The following COL5A1 variants were observed in gnomAD, a reference collection of about 807,000 sequenced individuals.
COL5A1 encodes the protein collagen type V alpha 1 chain, also known as collagen alpha-1(V) chain.
In COL5A1, 16 loss-of-function variants were observed where a neutral mutation model predicts 263.7. The ratio of observed to expected loss-of-function variants is 0.06; its 90% CI spans 0.04 to 0.09. The LOEUF (loss-of-function observed/expected upper bound fraction) is 0.09. Among genes scored for constraint, COL5A1 ranks in the 10% least tolerant of loss-of-function variants. The pLI is 1.00. For synonymous variants in COL5A1, 1,012 were observed against 1,004.5 expected (o/e 1.01, Z -0.14); for missense variants, 2,036 against 2,540.5 (o/e 0.80, Z 4.27).
intron 11 of COL5A1, among the ~76,000 whole-genome samples, chr9:134,748,293 GCA>G (rs567396208): frequency 1.0e-3 from 150 of 148,898 alleles, no homozygotes; most frequent in Non-Finnish European, 1.3e-3. Context: ...ATATGCACAT[GCA>G]CACACACATG....
chr9:134,738,942 C>T, intron 11 of COL5A1, 134 bp downstream of exon 11: 1 of 745,190 alleles, frequency 1.3e-6, no homozygotes, highest in Non-Finnish European at 2.4e-6. Flanking sequence ...CCCCCCTCAC[C>T]CAGGCACTCC....
rs1489772558 is a variant in COL5A1, at chr9:134,642,321, C to T, written c.109+25C>T. On this transcript the variant is annotated intron_variant, in intron 1 of 65. Transcript: ENST00000371817. The surrounding 1 kb of genome is among the most constrained non-coding windows in gnomAD (Gnocchi z 4.5). ...GGTAAGGGCGCCCCGGGGCGCGGGG[C>T]TGCGGGATGGGGCGCGCGCAGCCCG... is the stretch of plus-strand genomic sequence containing the variant. 4.1e-5 allele frequency: 30 copies of T among 735,266 alleles called. No individual in the cohort carries two copies. Among genetic ancestry groups the T allele is most frequent in the Non-Finnish European group, 5.2e-5 (29 of 560,038 alleles). The allele number at this position is 735,266 out of a possible 1,614,324, so 45.5% of individuals were successfully genotyped here. A position where few individuals can be genotyped will look rare whatever the true frequency, so the allele number is the denominator to read the frequency against.
chr9:134,824,031 TG>T (rs1054922884), intron 61 of COL5A1, among the ~76,000 whole-genome samples: 2 of 147,974 alleles, frequency 1.4e-5, no homozygotes, highest in African/African-American at 5.3e-5. Flanking sequence ...GTGTGTGTGT[TG>T]GGATGGGGGA....
At chr9:134,822,349 A>G (rs1234751415) in intron 59 of COL5A1, among the ~76,000 whole-genome samples, 199 bp downstream of exon 59, 1 of 152,142 alleles carries the variant, frequency 6.6e-6, no homozygotes, top group Non-Finnish European at 1.5e-5. Flanking sequence ...TTGCCCGGCC[A>G]TGGTTTTTGG....
Position 134,821,710 on chromosome 9 carries a change from T to C in COL5A1, c.4555-387T>C, listed in dbSNP as rs7357805. On this transcript the variant is annotated intron_variant, in intron 58 of 65. Transcript: ENST00000371817. This position sits in a 1 kb window ranked among gnomAD's most constrained non-coding sequence, Gnocchi z 4.2. ...CCGGGCTTAGTTCTAGAGGGGAGAC[T>C]AACACCATGAGCAGGAAACAGCAAG... Among the ~76,000 whole-genome samples, 87,422 of 152,090 alleles carry C rather than the reference T, an allele frequency of 0.57. 26,567 individuals are homozygous for C. Among genetic ancestry groups the C allele is most frequent in the African/African-American group, 0.79 (32,908 of 41,534 alleles).
chr9:134,715,171 G>T (rs932501435), intron 4 of COL5A1, among the ~76,000 whole-genome samples: 1 of 152,022 alleles, frequency 6.6e-6, no homozygotes, highest in Non-Finnish European at 1.5e-5. Context: ...GGTAATAGTG[G>T]GGAGAGGGTC....
In COL5A1 at chr9:134,701,151, C is replaced by T. The variant is rs374782884; in HGVS notation, c.492-20C>T. Reference sequence around the variant, plus strand: ...GCATCTGTGATCCAAGCCCTGTCTTCACCATCTGTTTCTTTGCAGGTGGCA... The same window carrying T: ...GCATCTGTGATCCAAGCCCTGTCTTTACCATCTGTTTCTTTGCAGGTGGCA... On this transcript the variant is annotated intron_variant, in intron 3 of 65. Coordinates refer to ENST00000371817, the MANE Select transcript of COL5A1 (RefSeq NM_000093.5). 1.9e-6 allele frequency: 3 copies of T among 1,613,424 alleles called. No individual in the cohort carries two copies. The highest frequency in any genetic ancestry group is 2.7e-5 in the African/African-American group (2 of 74,946).
At position 134,815,605 on chromosome 9, in the gene COL5A1, C is replaced by G. The variant is rs369945188; in HGVS notation, c.4044C>G (p.Gly1348=). 1 of 1,613,074 alleles carries G rather than the reference C, an allele frequency of 6.2e-7. No homozygotes were observed. The highest frequency in any genetic ancestry group is 1.7e-5 in the Admixed American group (1 of 59,928). The change falls in exon 51 of 66, where the codon GGC becomes GGG. Residue 1348 remains glycine (G), a synonymous_variant. Transcript: ENST00000371817. ...CAGTGGGTTTTCCTGGAGATCCTGG[C>G]CCCCCCGGAGAGCCTGGCCCCGCGG... ...PGPVGFPGDP[G]PPGEPGPAGQ...
At chr9:134,812,255 C>T (rs1347165805) in intron 46 of COL5A1, among the ~76,000 whole-genome samples, 194 bp from the exon 47 acceptor site, 1 of 152,152 alleles carries the variant, frequency 6.6e-6, no homozygotes, top group Non-Finnish European at 1.5e-5. Flanking sequence ...GCAATCTTCT[C>T]TGCTTATTTC....
At chr9:134,775,157 G>A (rs1276181506) in intron 27 of COL5A1, among the ~76,000 whole-genome samples, 1 of 152,246 alleles carries the variant, frequency 6.6e-6, no homozygotes, top group East Asian at 1.9e-4. Context: ...CTGCAGTCTG[G>A]TGACGACGCC....
chr9:134,716,839 C>G lies in COL5A1; in HGVS notation c.655-10427C>G, dbSNP rs1014125879. 6.6e-6 allele frequency among the ~76,000 whole-genome samples: 1 copy of G among 152,150 alleles called. No individual in the cohort carries two copies. The highest frequency in any genetic ancestry group is 2.4e-5 in the African/African-American group (1 of 41,432). On this transcript the variant is annotated intron_variant, in intron 4 of 65. Coordinates refer to ENST00000371817, the MANE Select transcript of COL5A1 (RefSeq NM_000093.5). This position sits in a 1 kb window ranked among gnomAD's most constrained non-coding sequence, Gnocchi z 4.5. ...CAGAGCTGTTGTGAGTAGACTTGAC[C>G]CTACACGTCTTGGGCTGGTGGCTGC... is the stretch of plus-strand genomic sequence containing the variant.
intron 11 of COL5A1, among the ~76,000 whole-genome samples, chr9:134,739,480 G>A (rs759493404): frequency 2.2e-4 from 34 of 152,232 alleles, no homozygotes; most frequent in Non-Finnish European, 4.7e-4. Context: ...GGGTGTTCGC[G>A]GGTGTTCACG....
intron 63 of COL5A1, among the ~76,000 whole-genome samples, chr9:134,828,772 TCA>T (rs752065150): frequency 4.9e-5 from 6 of 122,596 alleles, no homozygotes; most frequent in East Asian, 2.6e-4. Flanking sequence ...ATACCACACA[TCA>T]CAGATACACA....
rs115985248 is a variant in COL5A1 at position 134,826,909 on chromosome 9, C to T, written c.5067+1005C>T. 2.1e-3 allele frequency among the ~76,000 whole-genome samples: 327 copies of T among 152,112 alleles called. 2 individuals are homozygous for T. Among genetic ancestry groups the T allele is most frequent in the African/African-American group, 7.3e-3 (304 of 41,484 alleles). ...TGGCTGGCATGTGCATGCATGTAGA[C>T]GGGCGTGTGTTGCTATCCCTCAAGC... is the stretch of plus-strand genomic sequence containing the variant. On this transcript the variant is annotated intron_variant, in intron 63 of 65. Transcript: ENST00000371817.
chr9:134,762,445 C>T (rs532618132), intron 19 of COL5A1, among the ~76,000 whole-genome samples: 17 of 152,282 alleles, frequency 1.1e-4, no homozygotes, highest in Non-Finnish European at 2.1e-4. Flanking sequence ...GGTAGGGGAG[C>T]GAGTGGCTGT....
At chr9:134,654,427 G>C (rs1340153554) in intron 1 of COL5A1, among the ~76,000 whole-genome samples, 3 of 123,844 alleles carry the variant, frequency 2.4e-5, no homozygotes, top group East Asian at 2.8e-4. Flanking sequence ...CTGGAGGTGT[G>C]TAGGGCTGGA....
At chr9:134,690,593 G>A (rs1051454144) in intron 1 of COL5A1, among the ~76,000 whole-genome samples, 22 of 152,200 alleles carry the variant, frequency 1.4e-4, no homozygotes, top group African/African-American at 5.1e-4. Flanking sequence ...TGAGGAAGGA[G>A]GGCGTCGTCA....
At chr9:134,671,019 G>A (rs371721036) in intron 1 of COL5A1, among the ~76,000 whole-genome samples, 17 of 152,372 alleles carry the variant, frequency 1.1e-4, no homozygotes, top group African/African-American at 3.6e-4. Flanking sequence ...GTGAGGAGAC[G>A]TGAAGTCGGG....
intron 62 of COL5A1, among the ~76,000 whole-genome samples, chr9:134,825,509 C>T (rs1008609201): frequency 7.9e-5 from 12 of 152,140 alleles, no homozygotes; most frequent in African/African-American, 2.9e-4. Flanking sequence ...TTCTGTCCAC[C>T]CAGAGAGTAG....
Sources: gnomAD v4.1 joint callset for allele counts (sites outside exome capture counted in the v4.1 genomes callset) on GRCh38, gnomAD v4.1.1 for gene constraint, Gnocchi (gnomAD v3.1) non-coding constraint, MANE v1.5 for transcripts, NCBI Gene and HGNC (gene_info 2026-07-23, HGNC 2026-07-21) for gene names.